Variants in ZFP28 observed in about 807,000 individuals in gnomAD.
ZFP28 encodes ZFP28 zinc finger protein.
In ZFP28, 31 loss-of-function variants were observed where a neutral mutation model predicts 39.5. The ratio of observed to expected loss-of-function variants is 0.79; its 90% CI spans 0.59 to 1.06. The LOEUF (loss-of-function observed/expected upper bound fraction) is 1.06, where lower values mean the gene tolerates loss of function less well. Ranked by LOEUF, ZFP28 falls within the 50% of genes least tolerant of loss-of-function variation. ZFP28 has a pLI of 0.00. For missense variants in ZFP28, 925 were observed against 1,048.4 expected (o/e 0.88, Z 1.63); for synonymous variants, 400 against 378.6 (o/e 1.06, Z -0.66).
In ZFP28 at chr19:56,539,148, C is replaced by G; in HGVS notation, c.130C>G (p.Arg44Gly). The G allele has an allele frequency of 6.3e-7, 1 of 1,596,514 alleles. No homozygotes were observed. The highest frequency in any genetic ancestry group is 8.5e-7 in the Non-Finnish European group (1 of 1,175,454). The change falls in exon 1 of 8, where the codon CGG becomes GGG. Residue 44 changes from arginine (R) to glycine (G), a missense_variant. By Grantham distance (125) the Arg-to-Gly change is moderately radical. This residue lies in a region of ZFP28 where 556 missense variants were observed against 542.9 expected (regional missense o/e 1.02). Coordinates refer to ENST00000301318, the MANE Select transcript of ZFP28 (RefSeq NM_020828.2). The part of the protein sequence containing the change: ...GTPATLALPA[R>G]GRPRSRNGLA... Reference sequence around the variant, plus strand: ...TCCAGCCACCTTGGCCCTCCCTGCCCGGGGAAGGCCGCGCTCAAGGAATGG... The same window carrying G: ...TCCAGCCACCTTGGCCCTCCCTGCCGGGGGAAGGCCGCGCTCAAGGAATGG...
intron 7 of ZFP28, 116 bp downstream of exon 7, chr19:56,550,721 T>C (rs1441322742): frequency 2.5e-6 from 4 of 1,569,154 alleles, no homozygotes; most frequent in African/African-American, 1.3e-5. Context: ...GGTCTCTGGG[T>C]CTGGAAAGAA....
In ZFP28 at chr19:56,555,927, A is replaced by G. The variant is rs1337394077; in HGVS notation, c.*535A>G. The G allele has an allele frequency of 6.6e-6, 1 of 152,394 alleles. No individual in the cohort carries two copies. The highest frequency in any genetic ancestry group is 1.9e-4 in the East Asian group (1 of 5,204). 9.4% of individuals were successfully genotyped at this position (152,394 alleles called of 1,614,324 possible). On this transcript the variant is annotated 3_prime_UTR_variant, in exon 8 of 8. Coordinates refer to ENST00000301318, the MANE Select transcript of ZFP28 (RefSeq NM_020828.2). ...TGAATGAATAGGCCAGCTGGGACAA[A>G]TGAATTTAAAAAATCAGAAAAATGC...
rs758117724 is a variant in ZFP28, at chr19:56,547,790, G to GT, written c.428-11dup. ...GACAGCCACACAGTATGACCAGGTTGTTTTTTATGTGTCTAGGACTTTGTG... is the reference window on the plus strand; with the variant it reads ...GACAGCCACACAGTATGACCAGGTTGTTTTTTTATGTGTCTAGGACTTTGTG... On this transcript the variant is annotated splice_polypyrimidine_tract_variant and intron_variant, in intron 3 of 7. Coordinates refer to ENST00000301318, the MANE Select transcript of ZFP28 (RefSeq NM_020828.2). This position sits in a 1 kb window ranked among gnomAD's most constrained non-coding sequence, Gnocchi z 4.6. 3.1e-6 allele frequency: 5 copies of GT among 1,613,836 alleles called. No individual in the cohort carries two copies. Among genetic ancestry groups the GT allele is most frequent in the African/African-American group, 2.7e-5 (2 of 74,912 alleles).
In ZFP28 at chr19:56,556,203, G is replaced by A. The variant is rs2044350107; in HGVS notation, c.*811G>A. The A allele has an allele frequency of 6.6e-6, 1 of 152,162 alleles. No individual in the cohort carries two copies. Among genetic ancestry groups the A allele is most frequent in the South Asian group, 2.1e-4 (1 of 4,830 alleles). 9.4% of individuals were successfully genotyped at this position (152,162 alleles called of 1,614,324 possible). A position where few individuals can be genotyped will look rare whatever the true frequency, so the allele number is the denominator to read the frequency against. Reference sequence around the variant, plus strand: ...AAAATTTTAAAGGGTTGAAAAAAGTGAAAAGAATATTTTCAACATGAAAAT... The same window carrying A: ...AAAATTTTAAAGGGTTGAAAAAAGTAAAAAGAATATTTTCAACATGAAAAT... On this transcript the variant is annotated 3_prime_UTR_variant, in exon 8 of 8. Transcript: ENST00000301318.
chr19:56,549,994 C>A, intron 5 of ZFP28, 73 bp from the exon 6 acceptor site: 1 of 1,260,122 alleles, frequency 7.9e-7, no homozygotes, highest in Non-Finnish European at 1.1e-6. Context: ...AGTGTGGACA[C>A]AGTCCATCCC....
chr19:56,555,392 G>T lies in ZFP28; in HGVS notation c.2607G>T (p.Ter869TyrextTer8). The T allele has an allele frequency of 6.3e-7, 1 of 1,596,078 alleles. No individual in the cohort carries two copies. The highest frequency in any genetic ancestry group is 1.1e-5 in the South Asian group (1 of 88,144). ...LWNPSSLPSP* is the reference protein window; with the variant it reads ...LWNPSSLPSPY ...ATCCATCCTCCCTCCCATCACCATA[G>T]CCTCGAGACGTCATTTCTGTTTGAC... The change falls in exon 8 of 8, where the codon TAG becomes TAT. Residue 869 changes from the stop codon to tyrosine (Y), a stop_lost. Transcript: ENST00000301318.
chr19:56,551,648 G>A (rs2044304631), intron 7 of ZFP28: 2 of 985,338 alleles, frequency 2.0e-6, no homozygotes, highest in South Asian at 9.4e-5. Flanking sequence ...TTAGATGTAT[G>A]AGTTTAATTG....
At chr19:56,553,331 C>T (rs1369064828) in intron 7 of ZFP28, among the ~76,000 whole-genome samples, 1 of 152,136 alleles carries the variant, frequency 6.6e-6, no homozygotes, top group Middle Eastern at 3.2e-3. Context: ...AGCAATCCCC[C>T]TGCCTTTGCC....
In ZFP28 at chr19:56,543,378, T is replaced by C. The variant is rs1030551886; in HGVS notation, c.300+3662T>C. 2.2e-3 allele frequency among the ~76,000 whole-genome samples: 285 copies of C among 128,460 alleles called. 3 individuals carry two copies. Among genetic ancestry groups the C allele is most frequent in the Non-Finnish European group, 3.6e-3 (224 of 62,336 alleles). 84.3% of individuals were successfully genotyped at this position (128,460 alleles called of 152,430 possible). Reference sequence around the variant, plus strand: ...TTTTATATATATATTAATATATGTATATTATATATATATGTATATATAATT... The same window carrying C: ...TTTTATATATATATTAATATATGTACATTATATATATATGTATATATAATT... On this transcript the variant is annotated intron_variant, in intron 2 of 7. Coordinates refer to ENST00000301318, the MANE Select transcript of ZFP28 (RefSeq NM_020828.2).
upstream of ZFP28, chr19:56,538,920 C>T (rs1453551905): frequency 2.8e-6 from 3 of 1,072,596 alleles, no homozygotes; most frequent in East Asian, 3.4e-5. Context: ...CATGGGGGAG[C>T]GCGCGCGGGG....
rs528313404 is a variant in ZFP28, at chr19:56,556,208, G to T, written c.*816G>T. ...TTTAAAGGGTTGAAAAAAGTGAAAA[G>T]AATATTTTCAACATGAAAATTATAT... On this transcript the variant is annotated 3_prime_UTR_variant, in exon 8 of 8. Coordinates refer to ENST00000301318, the MANE Select transcript of ZFP28 (RefSeq NM_020828.2). 1.3e-4 allele frequency: 20 copies of T among 152,238 alleles called. No individual in the cohort carries two copies. The highest frequency in any genetic ancestry group is 1.1e-3 in the Admixed American group (17 of 15,302). 9.4% of individuals were successfully genotyped at this position (152,238 alleles called of 1,614,324 possible).
At position 56,554,994 on chromosome 19, in the gene ZFP28, G is replaced by A; in HGVS notation, c.2209G>A (p.Ala737Thr). ...RPYECIECGK[A>T]FKTKSSLICH... ...TTATGAATGTATTGAGTGTGGAAAG[G>A]CATTCAAGACAAAATCCTCCCTTAT... Residue 737 changes from alanine to threonine, a missense_variant, in exon 8 of 8, where the codon GCA (alanine) becomes ACA (threonine). Physicochemically the swap from Ala to Thr is moderately conservative, Grantham distance 58 (BLOSUM62 0). This residue lies in a region of ZFP28 where 369 missense variants were observed against 505.5 expected (regional missense o/e 0.73). Transcript: ENST00000301318. This position sits in a 1 kb window ranked among gnomAD's most constrained non-coding sequence, Gnocchi z 6.7. The A allele has an allele frequency of 6.2e-7, 1 of 1,614,062 alleles. No individual in the cohort carries two copies.
chr19:56,551,096 T>C, intron 7 of ZFP28: 16 of 1,050,760 alleles, frequency 1.5e-5, no homozygotes, highest in Non-Finnish European at 1.5e-5. Context: ...GACATGTTTA[T>C]GGATAGCTTG....
Position 56,539,032 on chromosome 19 carries a change from C to A in ZFP28, c.14C>A (p.Ala5Glu), listed in dbSNP as rs1418901277. The change falls in exon 1 of 8, where the codon GCG (alanine) becomes GAG (glutamate). Residue 5 changes from alanine (A) to glutamate (E), a missense_variant. Transcript: ENST00000301318. ...GCCTCGGGTGACATGCGGGGGGCGG[C>A]GAGCGCGAGTGTCCGCGAGCCGACG... MRGA[A>E]SASVREPTPL... is the part of the protein sequence containing the mutation. The A allele has an allele frequency of 2.2e-5, 32 of 1,437,628 alleles. No homozygotes were observed. The highest frequency in any genetic ancestry group is 2.8e-5 in the Non-Finnish European group (31 of 1,103,010). The allele number at this position is 1,437,628 out of a possible 1,614,324, so 89.1% of individuals were successfully genotyped here.
chr19:56,549,513 T>TA (rs2044274965), intron 5 of ZFP28, among the ~76,000 whole-genome samples: 1 of 152,056 alleles, frequency 6.6e-6, no homozygotes, highest in South Asian at 2.1e-4. Flanking sequence ...CTGTCTCTAC[T>TA]AAAAATACAA....
chr19:56,542,748 C>A (rs148733510), intron 2 of ZFP28, among the ~76,000 whole-genome samples: 1 of 147,938 alleles, frequency 6.8e-6, no homozygotes, highest in Non-Finnish European at 1.5e-5. Context: ...AAATGTGCTT[C>A]GTCCCTGATT....
intron 7 of ZFP28, chr19:56,552,062 T>C: frequency 1.2e-6 from 1 of 858,240 alleles, no homozygotes; most frequent in Non-Finnish European, 1.4e-6. Flanking sequence ...TATAGTTCTA[T>C]TTCATTTTTA....
intron 2 of ZFP28, among the ~76,000 whole-genome samples, chr19:56,541,535 G>A (rs1027662420): frequency 6.6e-6 from 1 of 152,168 alleles, no homozygotes; most frequent in East Asian, 1.9e-4. Flanking sequence ...CCCTCCAGTG[G>A]TTTCTCTGAA....
upstream of ZFP28, chr19:56,538,100 C>G (rs1179696277): frequency 6.6e-6 from 1 of 152,122 alleles, no homozygotes; most frequent in Non-Finnish European, 1.5e-5. Context: ...CTATTTCGAC[C>G]CAGGACGTGC....
Sources: gnomAD v4.1 joint callset for allele counts (sites outside exome capture counted in the v4.1 genomes callset) on GRCh38, gnomAD v4.1.1 for gene constraint, gnomAD v4.1.1 regional missense constraint, Gnocchi (gnomAD v3.1) non-coding constraint, MANE v1.5 for transcripts, NCBI Gene and HGNC (gene_info 2026-07-23, HGNC 2026-07-21) for gene names.